Variants in DENND1A observed in about 807,000 individuals in gnomAD.
DENND1A encodes the protein DENN domain-containing protein 1A.
In DENND1A, 51 loss-of-function variants were observed where a neutral mutation model predicts 113.7. The observed-to-expected ratio is 0.45, with a 90% CI of 0.36 to 0.57. The LOEUF is 0.57. DENND1A is among the 20% of genes least tolerant of loss of function. The probability of loss-of-function intolerance (pLI) is 0.00; values close to 1 mark genes in which losing one functional copy is unlikely to be tolerated. For synonymous variants in DENND1A, 565 were observed against 570.8 expected (o/e 0.99, Z 0.14); for missense variants, 1,258 against 1,395.9 (o/e 0.90, Z 1.57).
At chr9:123,462,094 C>T (rs2048576316) in intron 13 of DENND1A, 1 of 152,240 alleles carries the variant, frequency 6.6e-6, no homozygotes, top group African/African-American at 2.4e-5. Context: ...TATCTTAATC[C>T]TGCTGCAAGG....
chr9:123,440,128 C>T (rs939622526), intron 19 of DENND1A: 5 of 447,184 alleles, frequency 1.1e-5, no homozygotes, highest in African/African-American at 2.1e-5. Flanking sequence ...TGACTTCATT[C>T]AACAGTCCCG....
At chr9:123,903,856 G>A (rs1344933781) in intron 1 of DENND1A, among the ~76,000 whole-genome samples, 1 of 152,136 alleles carries the variant, frequency 6.6e-6, no homozygotes, top group African/African-American at 2.4e-5. Context: ...AGCTCGAACT[G>A]GGTGGAGCCC....
At chr9:123,758,533 G>A (rs369721742) in intron 4 of DENND1A, among the ~76,000 whole-genome samples, 10 of 152,274 alleles carry the variant, frequency 6.6e-5, no homozygotes, top group African/African-American at 2.2e-4. Flanking sequence ...GCAAGCTTAG[G>A]TGTTACTTTC....
intron 3 of DENND1A, among the ~76,000 whole-genome samples, chr9:123,791,445 T>A (rs923107514): frequency 1.3e-5 from 2 of 152,154 alleles, no homozygotes; most frequent in East Asian, 3.8e-4. Context: ...TAATATTTTT[T>A]AAAATCTTAT....
rs188714209 is a variant in DENND1A at position 123,567,942 on chromosome 9, G to A, written c.868-10247C>T. The stretch of plus-strand genomic sequence containing the variant: ...AAACAGTAGGTTGCTTGGGGCACTT[G>A]GGTTGTATTTGCACTGAGCTTTGAG... On this transcript the variant is annotated intron_variant, in intron 12 of 23. Coordinates refer to ENST00000394215, the MANE Select transcript of DENND1A (RefSeq NM_001352964.2). 6.6e-5 allele frequency among the ~76,000 whole-genome samples: 10 copies of A among 152,290 alleles called. No individual in the cohort carries two copies. In the East Asian group the frequency reaches 1.7e-3, roughly 26 times the overall value.
intron 5 of DENND1A, among the ~76,000 whole-genome samples, chr9:123,688,265 T>C (rs74328094): frequency 0.022 from 3,350 of 152,194 alleles, 58 homozygotes; most frequent in South Asian, 0.058. Flanking sequence ...AGTAAGTACT[T>C]TTCTGGAAAA....
intron 13 of DENND1A, among the ~76,000 whole-genome samples, chr9:123,507,722 G>A (rs551682143): frequency 6.6e-6 from 1 of 151,486 alleles, no homozygotes; most frequent in African/African-American, 2.4e-5. Context: ...AGGCGTGGTT[G>A]CAGACTCCTG....
intron 12 of DENND1A, among the ~76,000 whole-genome samples, chr9:123,576,588 T>G (rs893346944): frequency 3.3e-5 from 5 of 152,100 alleles, no homozygotes; most frequent in Non-Finnish European, 7.4e-5. Context: ...AATCTCTGCC[T>G]CCTGGGTTCA....
In DENND1A at chr9:123,382,413, G is replaced by A; in HGVS notation, c.2232C>T (p.Pro744=). 6.9e-6 allele frequency: 11 copies of A among 1,603,728 alleles called. No homozygotes were observed. The highest frequency in any genetic ancestry group is 9.4e-6 in the Non-Finnish European group (11 of 1,174,616). The change falls in exon 24 of 24, where the codon CCC becomes CCT. Residue 744 remains proline, a synonymous_variant. Transcript: ENST00000394215. ...GGGTGGGCACCTCCTCCTTGTCACT[G>A]GGGTTCAGGATGCTGTCCCGGTTCT... The part of the protein sequence containing the change: ...RPQNRDSILN[P]SDKEEVPTPT...
intron 13 of DENND1A, among the ~76,000 whole-genome samples, chr9:123,498,421 A>T (rs1354699209): frequency 1.3e-5 from 2 of 152,236 alleles, no homozygotes; most frequent in African/African-American, 4.8e-5. Flanking sequence ...GTGCTGGTCA[A>T]CAGCTGAGCT....
At chr9:123,550,212 T>C (rs560734591) in intron 13 of DENND1A, among the ~76,000 whole-genome samples, 9 of 152,372 alleles carry the variant, frequency 5.9e-5, no homozygotes, top group South Asian at 2.1e-4. Context: ...AGCTGGCCTC[T>C]TGGGATGAAC....
chr9:123,749,820 T>G (rs2069845847), intron 5 of DENND1A, among the ~76,000 whole-genome samples: 1 of 152,218 alleles, frequency 6.6e-6, no homozygotes, highest in African/African-American at 2.4e-5. Flanking sequence ...CTTCCTGCCC[T>G]GTACTAAGCT....
chr9:123,786,448 C>CAA (rs940051665), intron 3 of DENND1A, among the ~76,000 whole-genome samples: 30 of 152,096 alleles, frequency 2.0e-4, no homozygotes, highest in Non-Finnish European at 1.6e-4. Context: ...GCCATTATTC[C>CAA]ACAAAACATC....
rs1190388747 is a variant in DENND1A, at chr9:123,520,304, A to G, written c.993+37266T>C. Among the ~76,000 whole-genome samples the G allele has an allele frequency of 2.0e-5, 3 of 152,050 alleles. No homozygotes were observed. In the South Asian group the frequency reaches 6.2e-4, roughly 32 times the overall value. On this transcript the variant is annotated intron_variant, in intron 13 of 23. Coordinates refer to ENST00000394215, the MANE Select transcript of DENND1A (RefSeq NM_001352964.2). The stretch of plus-strand genomic sequence containing the variant: ...AAACCCTGTCTCTACTAAAAGTACA[A>G]AAAAATTAGCCGGGCATGGTGACAG...
intron 3 of DENND1A, among the ~76,000 whole-genome samples, chr9:123,775,078 G>T (rs1380386206): frequency 6.6e-6 from 1 of 152,088 alleles, no homozygotes; most frequent in Non-Finnish European, 1.5e-5. Flanking sequence ...CCATAATCAT[G>T]ATATTATATA....
chr9:123,496,838 C>T (rs2051968224), intron 13 of DENND1A, among the ~76,000 whole-genome samples: 1 of 152,108 alleles, frequency 6.6e-6, no homozygotes, highest in Non-Finnish European at 1.5e-5. Flanking sequence ...TTGGTGGGAG[C>T]TGTCTTCACG....
chr9:123,807,588 C>T (rs1384110581), intron 2 of DENND1A, among the ~76,000 whole-genome samples: 1 of 152,246 alleles, frequency 6.6e-6, no homozygotes, highest in African/African-American at 2.4e-5. Context: ...CAGATAAAGG[C>T]ACCACAGACT....
intron 6 of DENND1A, among the ~76,000 whole-genome samples, chr9:123,674,728 G>A (rs779038282): frequency 4.6e-5 from 7 of 152,200 alleles, no homozygotes; most frequent in South Asian, 2.1e-4. Flanking sequence ...AGTTTTACAC[G>A]GTAATAATCC....
At chr9:123,700,417 T>G (rs1218343132) in intron 5 of DENND1A, among the ~76,000 whole-genome samples, 1 of 152,078 alleles carries the variant, frequency 6.6e-6, no homozygotes, top group African/African-American at 2.4e-5. Flanking sequence ...TATAAAGAGA[T>G]TTATGTTAAG....
Sources: allele counts gnomAD v4.1 joint callset (sites outside exome capture counted in the v4.1 genomes callset), GRCh38; gene constraint gnomAD v4.1.1; transcripts MANE v1.5; gene names NCBI Gene and HGNC (gene_info 2026-07-23, HGNC 2026-07-21).